Variants in CLIP2 observed in about 807,000 individuals in gnomAD.
CLIP2 encodes the protein CAP-Gly domain containing linker protein 2, also known as CAP-Gly domain-containing linker protein 2.
CLIP2 carries 41 observed loss-of-function variants against 111.7 expected under a neutral mutation model. The ratio of observed to expected loss-of-function variants is 0.37; its 90% CI spans 0.29 to 0.48. The LOEUF (loss-of-function observed/expected upper bound fraction) is 0.48. Among genes scored for constraint, CLIP2 ranks in the 20% least tolerant of loss-of-function variants. The probability of loss-of-function intolerance (pLI) is 0.99; values close to 1 mark genes in which losing one functional copy is unlikely to be tolerated. For missense variants in CLIP2, 1,160 were observed against 1,422.1 expected, an observed-to-expected ratio of 0.82 and a Z score of 2.96; for synonymous variants, 660 against 644.2, an observed-to-expected ratio of 1.02 and a Z score of -0.37.
chr7:74,344,428 A>G (rs1554305936), intron 3 of CLIP2, among the ~76,000 whole-genome samples: 1 of 152,034 alleles, frequency 6.6e-6, no homozygotes, highest in African/African-American at 2.4e-5. Context: ...GTCACTCAGG[A>G]TGGAGTGCGG....
chr7:74,302,195 T>G (rs1248774372), intron 1 of CLIP2, among the ~76,000 whole-genome samples: 2 of 151,892 alleles, frequency 1.3e-5, no homozygotes, highest in Non-Finnish European at 2.9e-5. Context: ...GGAAGATGCC[T>G]CCTTTATTTT....
intron 6 of CLIP2, 44 bp from the exon 7 acceptor site, chr7:74,360,131 C>A: frequency 2.0e-6 from 3 of 1,507,198 alleles, no homozygotes; most frequent in Admixed American, 2.0e-5. Context: ...GACCCCATAC[C>A]CCGGAGCATG....
At chr7:74,295,007 C>CTGGA (rs1223399518) in intron 1 of CLIP2, among the ~76,000 whole-genome samples, 2 of 152,126 alleles carry the variant, frequency 1.3e-5, no homozygotes, top group Non-Finnish European at 2.9e-5. Flanking sequence ...GTCACCCAGG[C>CTGGA]TGGAGTGCAG....
At chr7:74,322,130 T>C (rs1462539280) in intron 2 of CLIP2, among the ~76,000 whole-genome samples, 1 of 151,498 alleles carries the variant, frequency 6.6e-6, no homozygotes. Context: ...TAGCTGGGAC[T>C]ACAGGCATGT....
At chr7:74,390,158 G>GAA (rs1791238620) in intron 13 of CLIP2, among the ~76,000 whole-genome samples, 6 of 41,892 alleles carry the variant, frequency 1.4e-4, no homozygotes, top group African/African-American at 7.3e-4. Flanking sequence ...GAAAAAGAAA[G>GAA]AAAGAAGAAA....
chr7:74,339,508 G>GTTGACCA (rs1394887638), intron 3 of CLIP2, among the ~76,000 whole-genome samples: 1 of 151,968 alleles, frequency 6.6e-6, no homozygotes, highest in Non-Finnish European at 1.5e-5. Context: ...GTTTCACCAT[G>GTTGACCA]TTGACCAGAC....
intron 2 of CLIP2, among the ~76,000 whole-genome samples, chr7:74,322,736 T>C (rs1788997775): frequency 6.6e-6 from 1 of 152,074 alleles, no homozygotes; most frequent in Non-Finnish European, 1.5e-5. Context: ...TTTGCTGTTG[T>C]TGTTTGTTTT....
intron 3 of CLIP2, among the ~76,000 whole-genome samples, chr7:74,349,454 A>ATGTGTG (rs782788165): frequency 3.3e-5 from 2 of 60,084 alleles, no homozygotes; most frequent in African/African-American, 5.6e-5. Flanking sequence ...AAAAGTATGT[A>ATGTGTG]TGTGTGTGTG....
At chr7:74,296,201 G>A (rs972883051) in intron 1 of CLIP2, among the ~76,000 whole-genome samples, 2 of 151,822 alleles carry the variant, frequency 1.3e-5, no homozygotes, top group Non-Finnish European at 2.9e-5. Flanking sequence ...AGAGGCCTCC[G>A]AAAAAAACAA....
intron 11 of CLIP2, 87 bp downstream of exon 11, chr7:74,380,950 G>A: frequency 2.3e-6 from 3 of 1,291,550 alleles, no homozygotes; most frequent in Non-Finnish European, 3.4e-6. Flanking sequence ...ATTTTGGTTT[G>A]CATCATCTGC....
intron 4 of CLIP2, 96 bp from the exon 5 acceptor site, chr7:74,356,310 TTCTC>T: frequency 1.0e-6 from 1 of 990,600 alleles, no homozygotes; most frequent in South Asian, 1.3e-5. Context: ...GGAGGTGTCT[TTCTC>T]TCTTTCTGCC....
At chr7:74,388,804 A>G (rs1398336399) in intron 12 of CLIP2, 3 of 218,432 alleles carry the variant, frequency 1.4e-5, no homozygotes, top group Non-Finnish European at 1.8e-5. Context: ...CCAAAAAAAA[A>G]AAACCGCCAG....
chr7:74,318,938 T>C (rs1554729586), intron 2 of CLIP2, among the ~76,000 whole-genome samples: 1 of 152,108 alleles, frequency 6.6e-6, no homozygotes, highest in African/African-American at 2.4e-5. Flanking sequence ...GCCAAAATCA[T>C]GGGCAGTTGG....
At position 74,376,729 on chromosome 7, in the gene CLIP2, C is replaced by A; in HGVS notation, c.2328C>A (p.Gly776=). 6.2e-7 allele frequency: 1 copy of A among 1,613,056 alleles called. No individual in the cohort carries two copies. ...GGCTGCAGCGGGCAGAAGCCCAGGG[C>A]AAACAGGAGGTCGAGAGTTTGCGGG... ...YERLQRAEAQ[G]KQEVESLREK... The change falls in exon 10 of 17, where the codon GGC becomes GGA. Residue 776 remains glycine, a synonymous_variant. Transcript: ENST00000223398. The surrounding 1 kb of genome is among the most constrained non-coding windows in gnomAD (Gnocchi z 7.1).
Position 74,375,863 on chromosome 7 carries a change from CCCTGTCT to C in CLIP2, c.1486-21_1486-15del. 1 of 1,481,914 alleles carries C rather than the reference CCCTGTCT, an allele frequency of 6.7e-7. No individual in the cohort carries two copies. The highest frequency in any genetic ancestry group is 9.0e-7 in the Non-Finnish European group (1 of 1,114,206). The allele number at this position is 1,481,914 out of a possible 1,614,324, so 91.8% of individuals were successfully genotyped here. The stretch of plus-strand genomic sequence containing the variant: ...CCAGCCAGCCAGCCAGCCCGCTGAT[CCCTGTCT>C]CCCTCTCTCCCCACAGCTGACCACA... On this transcript the variant is annotated splice_polypyrimidine_tract_variant and intron_variant, in intron 9 of 16. Transcript: ENST00000223398.
At chr7:74,331,562 C>CTTTTTTTTTTTTTTT (rs1213774851) in intron 2 of CLIP2, among the ~76,000 whole-genome samples, 1 of 120,662 alleles carries the variant, frequency 8.3e-6, no homozygotes, top group Admixed American at 9.0e-5. Flanking sequence ...TTCTTTCTTT[C>CTTTTTTTTTTTTTTT]TTTTTTTTTT....
chr7:74,339,669 TAGAC>T (rs1236427201), intron 3 of CLIP2, among the ~76,000 whole-genome samples: 1 of 152,174 alleles, frequency 6.6e-6, no homozygotes, highest in African/African-American at 2.4e-5. Context: ...ATCACTCATT[TAGAC>T]AGTGCCTAAT....
chr7:74,322,394 T>G (rs1485687873), intron 2 of CLIP2, among the ~76,000 whole-genome samples: 4 of 149,926 alleles, frequency 2.7e-5, no homozygotes, highest in African/African-American at 9.8e-5. Context: ...TCACCTGAGG[T>G]CAGGAGTTCG....
chr7:74,319,878 G>A (rs1451118677), intron 2 of CLIP2, among the ~76,000 whole-genome samples: 5 of 151,804 alleles, frequency 3.3e-5, no homozygotes, highest in African/African-American at 1.2e-4. Context: ...AAAGAGGTTA[G>A]GGAGGGCAGC....
Sources: allele counts gnomAD v4.1 joint callset (sites outside exome capture counted in the v4.1 genomes callset), GRCh38; gene constraint gnomAD v4.1.1; non-coding constraint Gnocchi (gnomAD v3.1); transcripts MANE v1.5; gene names NCBI Gene and HGNC (gene_info 2026-07-23, HGNC 2026-07-21).